ASXL1: variants seen among roughly 807,000 people sequenced by gnomAD.
ASXL1 encodes the protein ASXL transcriptional regulator 1, also known as polycomb group protein ASXL1.
In ASXL1, 65 loss-of-function variants were observed where a neutral mutation model predicts 89.1. That is an observed-to-expected ratio of 0.73 (90% CI 0.60 to 0.90). The LOEUF is 0.90. Ranked by LOEUF, ASXL1 falls within the 40% of genes least tolerant of loss-of-function variation. ASXL1 has a pLI of 0.00. For missense variants in ASXL1, 1,786 were observed against 1,942.9 expected, an observed-to-expected ratio of 0.92 and a Z score of 1.52; for synonymous variants, 739 against 746.9, an observed-to-expected ratio of 0.99 and a Z score of 0.17.
At chr20:32,399,745 C>CTATTTTTTTTTTT (rs1600525633) in intron 4 of ASXL1, among the ~76,000 whole-genome samples, 2 of 66,614 alleles carry the variant, frequency 3.0e-5, no homozygotes, top group South Asian at 5.5e-4. Context: ...ACATATTTTA[C>CTATTTTTTTTTTT]TCTTTTTTTT....
Position 32,369,056 on chromosome 20 carries a change from C to T in ASXL1, c.185C>T (p.Ser62Phe). The T allele has an allele frequency of 6.2e-7, 1 of 1,614,114 alleles. No individual in the cohort carries two copies. ...GCATGCCTCAATGCTATGCTACATT[C>T]CAATTCAAGAGGAGGAGAGGGGTTG... ...PLACLNAMLHSNSRGGEGLFY... is the reference protein window; with the variant it reads ...PLACLNAMLHFNSRGGEGLFY... Residue 62 changes from serine to phenylalanine, a missense_variant, in exon 4 of 13, where the codon TCC (serine) becomes TTC (phenylalanine). Transcript: ENST00000375687.
rs2011459883 is a variant in ASXL1 at position 32,429,664 on chromosome 20, C to G, written c.565+233C>G. On this transcript the variant is annotated intron_variant, in intron 7 of 12. Coordinates refer to ENST00000375687, the MANE Select transcript of ASXL1 (RefSeq NM_015338.6). The surrounding 1 kb of genome is among the most constrained non-coding windows in gnomAD (Gnocchi z 4.9). The stretch of plus-strand genomic sequence containing the variant: ...GGATCCAACGGAGGATTTGATTATG[C>G]CAGTGCTTTGTAAAAGGTGTAGTGC... The G allele has an allele frequency of 4.3e-6, 3 of 703,638 alleles. No individual in the cohort carries two copies. In the Admixed American group the frequency reaches 8.3e-5, roughly 20 times the overall value. The allele number at this position is 703,638 out of a possible 1,614,324, so 43.6% of individuals were successfully genotyped here.
rs760727236 is a variant in ASXL1, at chr20:32,434,573, G to A, written c.1861G>A (p.Ala621Thr). ...ARTLADIKAR[A>T]LQVRGARGHH... ...GACCCTCGCAGACATTAAAGCCCGT[G>A]CTCTGCAGGTCCGAGGGGCGAGAGG... Residue 621 changes from alanine (A) to threonine (T), a missense_variant, in exon 13 of 13, where the codon GCT becomes ACT. Physicochemically the swap from Ala to Thr is moderately conservative, Grantham distance 58 (BLOSUM62 0). Transcript: ENST00000375687. 2 of 1,613,524 alleles carry A rather than the reference G, an allele frequency of 1.2e-6. No individual in the cohort carries two copies. The highest frequency in any genetic ancestry group is 1.7e-6 in the Non-Finnish European group (2 of 1,180,004).
In ASXL1 at chr20:32,429,918, G is replaced by A. The variant is rs2011466606; in HGVS notation, c.583G>A (p.Ala195Thr). The change falls in exon 8 of 13, where the codon GCC (alanine) becomes ACC (threonine). Residue 195 changes from alanine (A) to threonine (T), a missense_variant. This residue lies in a region of ASXL1 where 332 missense variants were observed against 449.7 expected (regional missense o/e 0.74). Coordinates refer to ENST00000375687, the MANE Select transcript of ASXL1 (RefSeq NM_015338.6). This position sits in a 1 kb window ranked among gnomAD's most constrained non-coding sequence, Gnocchi z 4.9. ...GCCTTCAGGGTTCTCGGGCTGCCAC[G>A]CCGATGGCGAGAGCGGCAGCCCGTC... ...ESASGFSGCHADGESGSPSSS... is the reference protein window; with the variant it reads ...ESASGFSGCHTDGESGSPSSS... 26 of 1,607,854 alleles carry A rather than the reference G, an allele frequency of 1.6e-5. No individual in the cohort carries two copies. Among genetic ancestry groups the A allele is most frequent in the Admixed American group, 3.3e-5 (2 of 59,884 alleles).
chr20:32,372,566 T>C (rs971073629), intron 4 of ASXL1: 10 of 260,320 alleles, frequency 3.8e-5, no homozygotes, highest in Admixed American at 1.2e-4. Flanking sequence ...TAGTGAATAA[T>C]GGCTACATTT....
At position 32,436,927 on chromosome 20, in the gene ASXL1, C is replaced by T; in HGVS notation, c.4215C>T (p.Val1405=). 1 of 1,614,192 alleles carries T rather than the reference C, an allele frequency of 6.2e-7. No individual in the cohort carries two copies. The highest frequency in any genetic ancestry group is 8.5e-7 in the Non-Finnish European group (1 of 1,180,036). Residue 1405 remains valine, a synonymous_variant, in exon 13 of 13, where the codon GTC becomes GTT. Transcript: ENST00000375687. ...LVGHLEGMPF[V]MDLPFWKLPR... ...GTCACTTGGAAGGGATGCCCTTTGT[C>T]ATGGACTTGCCCTTCTGGAAATTAC...
intron 1 of ASXL1, chr20:32,359,188 G>A (rs2048067069): frequency 4.3e-6 from 3 of 693,700 alleles, no homozygotes; most frequent in Admixed American, 2.0e-5. Flanking sequence ...TCATTCACCC[G>A]GGGGAGTTGG....
intron 4 of ASXL1, among the ~76,000 whole-genome samples, chr20:32,378,894 G>A (rs1189773152): frequency 6.6e-6 from 1 of 151,940 alleles, no homozygotes; most frequent in Non-Finnish European, 1.5e-5. Context: ...TTGGGAGGCG[G>A]AGGCGGGCGG....
At chr20:32,394,622 T>C (rs2048730516) in intron 4 of ASXL1, among the ~76,000 whole-genome samples, 1 of 152,262 alleles carries the variant, frequency 6.6e-6, no homozygotes, top group Admixed American at 6.5e-5. Context: ...CCTTCAGACT[T>C]TGTGCTATGT....
chr20:32,428,225 G>C lies in ASXL1; in HGVS notation c.350G>C (p.Ser117Thr). Residue 117 changes from serine (S) to threonine (T), a missense_variant, in exon 5 of 13, where the codon AGC becomes ACC. Ser to Thr is a moderately conservative substitution (Grantham distance 58). Transcript: ENST00000375687. ...DVESCGSNEASTVSGENDVSL... is the reference protein window; with the variant it reads ...DVESCGSNEATTVSGENDVSL... ...GAGAGCTGTGGGTCTAATGAAGCCA[G>C]CACTGTGAGTGGTGAAAACGATGGT... is the stretch of plus-strand genomic sequence containing the variant. 6.2e-7 allele frequency: 1 copy of C among 1,614,208 alleles called. No homozygotes were observed. Among genetic ancestry groups the C allele is most frequent in the Non-Finnish European group, 8.5e-7 (1 of 1,180,032 alleles).
intron 1 of ASXL1, 180 bp downstream of exon 1, chr20:32,359,012 G>T: frequency 1.5e-6 from 1 of 681,010 alleles, no homozygotes; most frequent in Non-Finnish European, 2.4e-6. Context: ...CGCCGGGATG[G>T]GATGTGGCGC....
chr20:32,430,173 C>G, intron 8 of ASXL1, 120 bp downstream of exon 8: 1 of 1,316,120 alleles, frequency 7.6e-7, no homozygotes, highest in Non-Finnish European at 1.0e-6. Context: ...GGGTGGCCCT[C>G]TATTTTTTGT....
rs1420153033 is a variant in ASXL1 at position 32,358,799 on chromosome 20, G to A, written c.24G>A (p.Lys8=). 3.3e-6 allele frequency: 5 copies of A among 1,507,184 alleles called. No individual in the cohort carries two copies. The South Asian group carries it at 3.7e-5, about 11-fold the overall frequency. 93.4% of individuals were successfully genotyped at this position (1,507,184 alleles called of 1,614,324 possible). A position where few individuals can be genotyped will look rare whatever the true frequency, so the allele number is the denominator to read the frequency against. MKDKQKK[K]KERTWAEAAR... ...GGATGAAGGACAAACAGAAGAAGAA[G>A]AAGGAGCGCACGTGGGCCGAGGCCG... Residue 8 remains lysine (K), a synonymous_variant, in exon 1 of 13, where the codon AAG becomes AAA. Transcript: ENST00000375687.
At chr20:32,410,836 C>T (rs1466827162) in intron 4 of ASXL1, among the ~76,000 whole-genome samples, 1 of 151,978 alleles carries the variant, frequency 6.6e-6, no homozygotes, top group African/African-American at 2.4e-5. Context: ...TGAGACCAGC[C>T]TTGCCAACAT....
intron 4 of ASXL1, among the ~76,000 whole-genome samples, chr20:32,377,923 G>A (rs2048413257): frequency 6.6e-6 from 1 of 151,044 alleles, no homozygotes; most frequent in Non-Finnish European, 1.5e-5. Flanking sequence ...AAAGTCCTGG[G>A]ATTACAGGTG....
At chr20:32,394,219 G>A (rs1268020640) in intron 4 of ASXL1, among the ~76,000 whole-genome samples, 1 of 152,088 alleles carries the variant, frequency 6.6e-6, no homozygotes, top group Non-Finnish European at 1.5e-5. Context: ...GGCCAGGCTG[G>A]TCTCAAATTC....
Position 32,431,368 on chromosome 20 carries a change from G to A in ASXL1, c.766G>A (p.Gly256Arg), listed in dbSNP as rs1282158059. The change falls in exon 9 of 13, where the codon GGG (glycine) becomes AGG (arginine). Residue 256 changes from glycine to arginine, a missense_variant. By Grantham distance (125) the Gly-to-Arg change is moderately radical (BLOSUM62 -2). Coordinates refer to ENST00000375687, the MANE Select transcript of ASXL1 (RefSeq NM_015338.6). ...GGAAGAAATAGATTTTGAGACACCT[G>A]GGTCCATTCTTGTCAACACCAACCT... ...RGEEIDFETPGSILVNTNLRA... is the reference protein window; with the variant it reads ...RGEEIDFETPRSILVNTNLRA... The A allele has an allele frequency of 6.2e-7, 1 of 1,614,050 alleles. No individual in the cohort carries two copies. Among genetic ancestry groups the A allele is most frequent in the African/African-American group, 1.3e-5 (1 of 74,900 alleles).
In ASXL1 at chr20:32,433,389, T is replaced by C; in HGVS notation, c.1191T>C (p.Arg397=). ...CAGGAGAATCAGTGCGTATACAGCG[T>C]GGTCCAGCCACCCGACAGCGAGATG... is the stretch of plus-strand genomic sequence containing the variant. ...CVPGESVRIQ[R]GPATRQRDGH... Residue 397 remains arginine (R), a synonymous_variant, in exon 12 of 13, where the codon CGT becomes CGC. Coordinates refer to ENST00000375687, the MANE Select transcript of ASXL1 (RefSeq NM_015338.6). The C allele has an allele frequency of 6.2e-7, 1 of 1,614,128 alleles. No homozygotes were observed. Among genetic ancestry groups the C allele is most frequent in the African/African-American group, 1.3e-5 (1 of 75,006 alleles).
Position 32,437,378 on chromosome 20 carries a change from G to A in ASXL1, c.*40G>A, listed in dbSNP as rs2011986827. On this transcript the variant is annotated 3_prime_UTR_variant, in exon 13 of 13. Coordinates refer to ENST00000375687, the MANE Select transcript of ASXL1 (RefSeq NM_015338.6). Reference sequence around the variant, plus strand: ...GGGAAACATTGTATATTTAGTGTGTGTATTTTGATAATGATTGATCTTAAA... The same window carrying A: ...GGGAAACATTGTATATTTAGTGTGTATATTTTGATAATGATTGATCTTAAA... The A allele has an allele frequency of 6.3e-7, 1 of 1,597,374 alleles. No homozygotes were observed. Among genetic ancestry groups the A allele is most frequent in the Non-Finnish European group, 8.6e-7 (1 of 1,165,206 alleles).
Sources: allele counts gnomAD v4.1 joint callset (sites outside exome capture counted in the v4.1 genomes callset), GRCh38; gene constraint gnomAD v4.1.1; regional missense constraint gnomAD v4.1.1; non-coding constraint Gnocchi (gnomAD v3.1); transcripts MANE v1.5; gene names NCBI Gene and HGNC (gene_info 2026-07-23, HGNC 2026-07-21).